Variants in SLC17A3 observed in about 807,000 individuals in gnomAD.
SLC17A3 encodes sodium-dependent phosphate transport protein 4.
Under a neutral mutation model 60.3 loss-of-function variants are expected in SLC17A3, and 61 were observed. That is an observed-to-expected ratio of 1.01 (90% CI 0.82 to 1.25). The LOEUF is 1.25. Among genes scored for constraint, SLC17A3 ranks in the 50% most tolerant of loss-of-function variants. The pLI is 0.00. For missense variants in SLC17A3, 624 were observed against 594.9 expected (o/e 1.05, Z -0.51); for synonymous variants, 192 against 208.9 (o/e 0.92, Z 0.70).
In SLC17A3 at chr6:25,845,129, A is replaced by G. The variant is rs1765150055; in HGVS notation, c.*172T>C. On this transcript the variant is annotated 3_prime_UTR_variant, in exon 13 of 13. Coordinates refer to ENST00000397060, the MANE Select transcript of SLC17A3 (RefSeq NM_001098486.2). Reference sequence around the variant, plus strand: ...TAGTTATCATTTTATTTGAATTTTTATTCATCTTACATTTCTCTCAAAAAA... The same window carrying G: ...TAGTTATCATTTTATTTGAATTTTTGTTCATCTTACATTTCTCTCAAAAAA... 9.2e-6 allele frequency: 4 copies of G among 436,156 alleles called. No homozygotes were observed. The highest frequency in any genetic ancestry group is 2.0e-5 in the African/African-American group (1 of 50,562). 27.0% of individuals were successfully genotyped at this position (436,156 alleles called of 1,614,324 possible). A position where few individuals can be genotyped will look rare whatever the true frequency, so the allele number is the denominator to read the frequency against.
chr6:25,850,615 C>T lies in SLC17A3; in HGVS notation c.837G>A (p.Gly279=). Residue 279 remains glycine (G), a synonymous_variant, in exon 8 of 13, where the codon GGG becomes GGA. Coordinates refer to ENST00000397060, the MANE Select transcript of SLC17A3 (RefSeq NM_001098486.2). ...YIISSLKQQV[G]SSKQPLPIKA... ...TGATGGGAAGAGGCTGCTTAGAAGA[C>T]CCGACCTGAAAACAAATTTACTGGT... 1 of 1,613,978 alleles carries T rather than the reference C, an allele frequency of 6.2e-7. No individual in the cohort carries two copies. Among genetic ancestry groups the T allele is most frequent in the Non-Finnish European group, 8.5e-7 (1 of 1,179,908 alleles).
At chr6:25,851,624 T>A (rs920545211) in intron 6 of SLC17A3, among the ~76,000 whole-genome samples, 2 of 152,130 alleles carry the variant, frequency 1.3e-5, no homozygotes, top group Non-Finnish European at 2.9e-5. Flanking sequence ...GATATCCAAT[T>A]TTTGAGCACC....
chr6:25,868,232 G>A, intron 2 of SLC17A3, 65 bp downstream of exon 2: 1 of 1,114,334 alleles, frequency 9.0e-7, no homozygotes, highest in Non-Finnish European at 1.4e-6. Flanking sequence ...CATTTTTATA[G>A]TAATACGTTG....
chr6:25,855,289 C>A (rs1765340774), intron 5 of SLC17A3, 59 bp from the exon 6 acceptor site: 4 of 1,162,618 alleles, frequency 3.4e-6, no homozygotes, highest in Admixed American at 3.5e-5. Context: ...AAAACACATA[C>A]AAATTGATAG....
intron 6 of SLC17A3, among the ~76,000 whole-genome samples, chr6:25,853,639 C>T (rs1561855249): frequency 6.6e-6 from 1 of 151,746 alleles, no homozygotes; most frequent in South Asian, 2.1e-4. Context: ...AGGATGGTCT[C>T]GATCTCCTGA....
At position 25,849,417 on chromosome 6, in the gene SLC17A3, G is replaced by C. The variant is rs1581519938; in HGVS notation, c.1319C>G (p.Ala440Gly). 1.1e-5 allele frequency: 17 copies of C among 1,612,980 alleles called. No homozygotes were observed. The East Asian group carries it at 3.8e-4, about 36-fold the overall frequency. Reference protein sequence around the residue: ...MGASRGFSSIAPVIVPTVSGF... With the variant: ...MGASRGFSSIGPVIVPTVSGF... The stretch of plus-strand genomic sequence containing the variant: ...ACTGACAGTGGGTACAATGACAGGT[G>C]CTATGCTCGAAAATCCTCTTGATGC... Residue 440 changes from alanine to glycine, a missense_variant, in exon 11 of 13, where the codon GCA becomes GGA. By Grantham distance (60) the Ala-to-Gly change is moderately conservative. Coordinates refer to ENST00000397060, the MANE Select transcript of SLC17A3 (RefSeq NM_001098486.2).
At position 25,861,614 on chromosome 6, in the gene SLC17A3, A is replaced by C. The variant is rs759495316; in HGVS notation, c.625+10T>G. ...ATTGTAGTGTACCCATTTGGATTAC[A>C]TGTCCTTACCTGATAAAGCAATGCT... On this transcript the variant is annotated intron_variant, in intron 5 of 12. Coordinates refer to ENST00000397060, the MANE Select transcript of SLC17A3 (RefSeq NM_001098486.2). 6.2e-7 allele frequency: 1 copy of C among 1,612,314 alleles called. No individual in the cohort carries two copies. The highest frequency in any genetic ancestry group is 8.5e-7 in the Non-Finnish European group (1 of 1,178,320).
At chr6:25,873,814 G>T (rs1765683473) in intron 1 of SLC17A3, among the ~76,000 whole-genome samples, 1 of 152,036 alleles carries the variant, frequency 6.6e-6, no homozygotes, top group African/African-American at 2.4e-5. Flanking sequence ...CTTCCTCCAG[G>T]TCACCCAGTT....
intron 5 of SLC17A3, among the ~76,000 whole-genome samples, chr6:25,859,996 T>C (rs747797346): frequency 3.9e-5 from 6 of 152,162 alleles, no homozygotes; most frequent in Non-Finnish European, 7.3e-5. Flanking sequence ...TACCTTAGGC[T>C]ACCAAAGTAT....
intron 2 of SLC17A3, among the ~76,000 whole-genome samples, chr6:25,867,962 G>GT (rs1359838687): frequency 2.6e-5 from 4 of 151,494 alleles, no homozygotes; most frequent in East Asian, 3.9e-4. Flanking sequence ...TCTATAATTA[G>GT]TTTTTTTTAC....
rs755149809 is a variant in SLC17A3, at chr6:25,849,373, C to G, written c.1362+1G>C. ...AGTCCTTCATGACAAAAAAATTGTA[C>G]CTGACTAAGAAGAAATCCACTGACA... On this transcript the variant is annotated splice_donor_variant, in intron 11 of 12. Transcript: ENST00000397060. LOFTEE classifies it high-confidence loss of function. The G allele has an allele frequency of 1.9e-6, 3 of 1,582,802 alleles. No homozygotes were observed.
In SLC17A3 at chr6:25,850,122, C is replaced by G. The variant is rs1384180198; in HGVS notation, c.1049G>C (p.Gly350Ala). The G allele has an allele frequency of 6.2e-7, 1 of 1,613,680 alleles. No individual in the cohort carries two copies. The highest frequency in any genetic ancestry group is 8.5e-7 in the Non-Finnish European group (1 of 1,179,698). ...TAGAAGGAAATCTGCCAGATAGCCT[C>G]CCACCATGCCTATGACCCAGGCAAC... ...FIVAWVIGMV[G>A]GYLADFLLTK... is the part of the protein sequence containing the mutation. The change falls in exon 9 of 13, where the codon GGA becomes GCA. Residue 350 changes from glycine to alanine, a missense_variant. Physicochemically the swap from Gly to Ala is moderately conservative, Grantham distance 60. Coordinates refer to ENST00000397060, the MANE Select transcript of SLC17A3 (RefSeq NM_001098486.2).
intron 11 of SLC17A3, among the ~76,000 whole-genome samples, chr6:25,847,866 C>G (rs541653238): frequency 6.6e-6 from 1 of 152,086 alleles, no homozygotes; most frequent in South Asian, 2.1e-4. Flanking sequence ...TACACTGAAC[C>G]GGATTTGTAG....
intron 5 of SLC17A3, among the ~76,000 whole-genome samples, chr6:25,861,276 T>G (rs1222235263): frequency 6.6e-6 from 1 of 151,948 alleles, no homozygotes; most frequent in Non-Finnish European, 1.5e-5. Flanking sequence ...AATTAATATA[T>G]AAAGATAAAA....
intron 1 of SLC17A3, among the ~76,000 whole-genome samples, chr6:25,870,005 A>G (rs559983728): frequency 2.8e-4 from 42 of 152,078 alleles, no homozygotes; most frequent in East Asian, 5.8e-4. Context: ...TTGTTTATCC[A>G]TTTATTTACC....
intron 2 of SLC17A3, among the ~76,000 whole-genome samples, chr6:25,864,714 A>G (rs1174732642): frequency 1.3e-5 from 2 of 152,056 alleles, no homozygotes; most frequent in Non-Finnish European, 2.9e-5. Context: ...GGCACCAAAG[A>G]GAAGATGTTG....
At chr6:25,855,089 C>A in intron 6 of SLC17A3, 55 bp downstream of exon 6, 1 of 1,115,968 alleles carries the variant, frequency 9.0e-7, no homozygotes, top group Non-Finnish European at 1.4e-6. Context: ...AATATACTTA[C>A]TGAGGAGAAT....
At position 25,861,681 on chromosome 6, in the gene SLC17A3, A is replaced by G. The variant is rs1371886528; in HGVS notation, c.568T>C (p.Trp190Arg). ...SSILGGQFAI[W>R]EKWGPPQERS... is the part of the protein sequence containing the mutation. ...TCTTGTGGAGGGCCCCACTTTTCCC[A>G]AATTGCAAACTGACCCCCAAGTATT... is the stretch of plus-strand genomic sequence containing the variant. The change falls in exon 5 of 13, where the codon TGG becomes CGG. Residue 190 changes from tryptophan to arginine, a missense_variant. Physicochemically the swap from Trp to Arg is moderately radical, Grantham distance 101 (BLOSUM62 -3). Coordinates refer to ENST00000397060, the MANE Select transcript of SLC17A3 (RefSeq NM_001098486.2). The G allele has an allele frequency of 5.0e-6, 8 of 1,614,070 alleles. No individual in the cohort carries two copies. The highest frequency in any genetic ancestry group is 6.8e-6 in the Non-Finnish European group (8 of 1,179,924).
intron 1 of SLC17A3, among the ~76,000 whole-genome samples, 160 bp downstream of exon 1, chr6:25,874,007 C>G (rs901597712): frequency 6.6e-6 from 1 of 152,134 alleles, no homozygotes; most frequent in Non-Finnish European, 1.5e-5. Context: ...CCACTTCTCC[C>G]TCACTTTTGT....
Sources: gnomAD v4.1 joint callset for allele counts (sites outside exome capture counted in the v4.1 genomes callset) on GRCh38, gnomAD v4.1.1 for gene constraint, MANE v1.5 for transcripts, NCBI Gene and HGNC (gene_info 2026-07-23, HGNC 2026-07-21) for gene names.